The following UBA1 variants were observed in gnomAD, a reference collection of about 807,000 sequenced individuals.
UBA1 encodes ubiquitin-like modifier-activating enzyme 1.
UBA1 carries 4 observed loss-of-function variants against 84.7 expected under a neutral mutation model. That is an observed-to-expected ratio of 0.05 (90% CI 0.02 to 0.11). The LOEUF (loss-of-function observed/expected upper bound fraction) is 0.11, where lower values mean the gene tolerates loss of function less well. Ranked by LOEUF, UBA1 falls within the 10% of genes least tolerant of loss-of-function variation. The probability of loss-of-function intolerance (pLI) is 1.00; values close to 1 mark genes in which losing one functional copy is unlikely to be tolerated. For synonymous variants in UBA1, 364 were observed against 362.6 expected, an observed-to-expected ratio of 1.00 and a Z score of -0.04; for missense variants, 513 against 902.8, an observed-to-expected ratio of 0.57 and a Z score of 5.53.
intron 23 of UBA1, 75 bp from the exon 24 acceptor site, chrX:47,214,252 A>AG: frequency 1.1e-6 from 1 of 899,553 alleles, no homozygotes; most frequent in Non-Finnish European, 1.6e-6. Flanking sequence ...GCATGGGGGT[A>AG]GGGGGGATGG....
At chrX:47,211,322 C>T in intron 20 of UBA1, 97 bp downstream of exon 20, 1 of 995,003 alleles carries the variant, frequency 1.0e-6, no homozygotes, top group East Asian at 3.2e-5. Context: ...CTGCTCTGCT[C>T]TGTGACCCCA....
At chrX:47,209,714 C>T (rs1556792756) in intron 17 of UBA1, 27 bp downstream of exon 17, 1 of 1,196,297 alleles carries the variant, frequency 8.4e-7, no homozygotes, top group Non-Finnish European at 1.1e-6. Flanking sequence ...CCCTCTCGCC[C>T]TGTCCCTGTC....
At chrX:47,211,745 G>C (rs1936926626) in intron 20 of UBA1, among the ~76,000 whole-genome samples, 1 of 98,352 alleles carries the variant, frequency 1.0e-5, no homozygotes, top group South Asian at 4.8e-4. Context: ...GCTCTGTAAC[G>C]CCCCCTACAT....
Position 47,213,266 on chromosome X carries a change from G to C in UBA1, c.2838+85G>C, listed in dbSNP as rs1254844868. The C allele has an allele frequency of 6.8e-6, 7 of 1,036,892 alleles. No homozygotes were observed. The African/African-American group carries it at 1.1e-4, about 17-fold the overall frequency. 85.5% of individuals were successfully genotyped at this position (1,036,892 alleles called of 1,213,427 possible). A position where few individuals can be genotyped will look rare whatever the true frequency, so the allele number is the denominator to read the frequency against. On this transcript the variant is annotated intron_variant, in intron 23 of 25. Transcript: ENST00000335972. ...GATTCACGTCATACCCTGTCACCAG[G>C]TGAGGGTTTCTGTCTGTGTACCTAC...
intron 23 of UBA1, 90 bp from the exon 24 acceptor site, chrX:47,214,237 C>T (rs1166143850): frequency 3.2e-5 from 25 of 778,522 alleles, no homozygotes; most frequent in Admixed American, 9.0e-5. Flanking sequence ...TGACTAAACA[C>T]GTCTGCATGG....
rs1936330586 is a variant in UBA1 at position 47,199,627 on chromosome X, T to TA, written c.480+14dup. On this transcript the variant is annotated intron_variant, in intron 5 of 25. Coordinates refer to ENST00000335972, the MANE Select transcript of UBA1 (RefSeq NM_003334.4). ...TAGTGGTTTCCAGGTATCTTGGGGG[T>TA]ACTACCCAGCCTTCTGCCCAGTTTT... 8.3e-7 allele frequency: 1 copy of TA among 1,208,497 alleles called. No individual in the cohort carries two copies. The highest frequency in any genetic ancestry group is 1.8e-5 in the African/African-American group (1 of 56,889).
At chrX:47,203,456 CAG>C in intron 13 of UBA1, 83 bp from the exon 14 acceptor site, 2 of 1,111,983 alleles carry the variant, frequency 1.8e-6, no homozygotes, top group Non-Finnish European at 2.5e-6. Context: ...CCCCGTCTCT[CAG>C]GGGAGTGAGG....
In UBA1 at chrX:47,203,535, T is replaced by G. The variant is rs1936504429; in HGVS notation, c.1420-6T>G. On this transcript the variant is annotated splice_polypyrimidine_tract_variant and splice_region_variant and intron_variant, in intron 13 of 25. Transcript: ENST00000335972. Reference sequence around the variant, plus strand: ...GCCTCTGCCTGTCTTCTTGGTTGCTTCTTAGGTGGGTGCGGGGGCCATTGG... The same window carrying G: ...GCCTCTGCCTGTCTTCTTGGTTGCTGCTTAGGTGGGTGCGGGGGCCATTGG... 8.3e-7 allele frequency: 1 copy of G among 1,211,306 alleles called. No individual in the cohort carries two copies. The highest frequency in any genetic ancestry group is 2.2e-5 in the Admixed American group (1 of 46,028).
chrX:47,197,340 A>G, intron 1 of UBA1: 1 of 754,936 alleles, frequency 1.3e-6, no homozygotes, highest in Non-Finnish European at 1.6e-6. Context: ...GATTGTTAAG[A>G]TTAGACAAAG....
chrX:47,201,227 C>T, intron 6 of UBA1, 49 bp from the exon 7 acceptor site: 1 of 1,099,198 alleles, frequency 9.1e-7, no homozygotes, highest in Non-Finnish European at 1.2e-6. Context: ...CCCGTGGGAC[C>T]TGTATGTGCA....
intron 12 of UBA1, 31 bp from the exon 13 acceptor site, chrX:47,203,103 T>C: frequency 2.5e-6 from 3 of 1,207,923 alleles, no homozygotes; most frequent in Non-Finnish European, 3.4e-6. Context: ...TGGGGAGGCC[T>C]CTCTAACCCT....
Position 47,194,792 on chromosome X carries a change from T to C in UBA1, c.-1+768T>C, listed in dbSNP as rs1475194337. Among the ~76,000 whole-genome samples, 6 of 112,233 alleles carry C rather than the reference T, an allele frequency of 5.3e-5. No homozygotes were observed. The Admixed American group carries it at 5.6e-4, about 11-fold the overall frequency. On this transcript the variant is annotated intron_variant, in intron 1 of 25. Transcript: ENST00000335972. ...TCCTAGACTCTGTCCTTTGACACTTTCTCTACTTTTATGGAATTTCTCGCT... is the reference window on the plus strand; with the variant it reads ...TCCTAGACTCTGTCCTTTGACACTTCCTCTACTTTTATGGAATTTCTCGCT...
upstream of UBA1, chrX:47,193,751 T>C (rs782797104): frequency 1.8e-5 from 2 of 112,386 alleles, no homozygotes; most frequent in Non-Finnish European, 3.8e-5. Flanking sequence ...GATTCATAAG[T>C]AGGCGCGGCC....
rs781811327 is a variant in UBA1 at position 47,213,031 on chromosome X, G to A, written c.2688G>A (p.Thr896=). Residue 896 remains threonine (T), a synonymous_variant, in exon 23 of 26, where the codon ACG becomes ACA. Transcript: ENST00000335972. The stretch of plus-strand genomic sequence containing the variant: ...GGAAGATCATCCCAGCCATTGCCAC[G>A]ACCACAGCAGCCGTGGTTGGCCTTG... ...IAGKIIPAIA[T]TTAAVVGLVC... 3 of 1,211,935 alleles carry A rather than the reference G, an allele frequency of 2.5e-6. No homozygotes were observed. The highest frequency in any genetic ancestry group is 3.5e-5 in the African/African-American group (2 of 57,847).
At position 47,214,347 on chromosome X, in the gene UBA1, A is replaced by T; in HGVS notation, c.2859A>T (p.Thr953=). The T allele has an allele frequency of 8.3e-7, 1 of 1,211,133 alleles. No individual in the cohort carries two copies. ...TGCAGTACTATAACCAAGAGTGGAC[A>T]TTGTGGGATCGCTTTGAGGTACAAG... ...PRHQYYNQEW[T]LWDRFEVQGL... Residue 953 remains threonine, a synonymous_variant, in exon 24 of 26, where the codon ACA becomes ACT. Transcript: ENST00000335972.
intron 1 of UBA1, chrX:47,197,732 G>A (rs1002475028): frequency 3.6e-6 from 2 of 552,924 alleles, no homozygotes; most frequent in Non-Finnish European, 4.4e-6. Flanking sequence ...TCATGGAGGG[G>A]ATGAAACGTG....
In UBA1 at chrX:47,197,184, C is replaced by T. The variant is rs1282757421; in HGVS notation, c.1-1619C>T. ...TGCTGCCTCCCCTCATCTCCCATTC[C>T]TTAGCCCTGTGGACTGGGCCCTGAG... On this transcript the variant is annotated intron_variant, in intron 1 of 25. Coordinates refer to ENST00000335972, the MANE Select transcript of UBA1 (RefSeq NM_003334.4). 8.0e-6 allele frequency: 6 copies of T among 753,962 alleles called. No individual in the cohort carries two copies. The Admixed American group carries it at 5.2e-4, about 65-fold the overall frequency. 62.1% of individuals were successfully genotyped at this position (753,962 alleles called of 1,213,427 possible).
At chrX:47,191,609 C>G (rs1556784305), upstream of UBA1, 1 of 111,968 alleles carries the variant, frequency 8.9e-6, no homozygotes, top group African/African-American at 3.2e-5. Context: ...CTCTTTCGCA[C>G]CTGGTCCGCT....
chrX:47,201,725 C>T (rs1556788157), intron 8 of UBA1, 115 bp downstream of exon 8: 4 of 909,812 alleles, frequency 4.4e-6, no homozygotes, highest in Non-Finnish European at 6.3e-6. Context: ...GAAGACACAT[C>T]CTGGTGTTTG....
Sources: allele counts gnomAD v4.1 joint callset (sites outside exome capture counted in the v4.1 genomes callset), GRCh38; gene constraint gnomAD v4.1.1; transcripts MANE v1.5; gene names NCBI Gene and HGNC (gene_info 2026-07-23, HGNC 2026-07-21).